The following UBA6 variants were observed in gnomAD, a reference collection of about 807,000 sequenced individuals.
The protein encoded by UBA6 is ubiquitin like modifier activating enzyme 6.
A neutral mutation model predicts 148.3 loss-of-function variants in UBA6; 87 were observed. The observed-to-expected ratio is 0.59, with a 90% CI of 0.49 to 0.70. The LOEUF (loss-of-function observed/expected upper bound fraction) is 0.70. Among genes scored for constraint, UBA6 ranks in the 30% least tolerant of loss-of-function variants. The pLI is 0.00. For missense variants in UBA6, 1,186 were observed against 1,241.2 expected (o/e 0.96, Z 0.67); for synonymous variants, 376 against 401.0 (o/e 0.94, Z 0.75).
chr4:67,625,650 G>A (rs1728850689), intron 28 of UBA6, among the ~76,000 whole-genome samples: 1 of 151,886 alleles, frequency 6.6e-6, no homozygotes, highest in Non-Finnish European at 1.5e-5. Context: ...TGAAATCTTT[G>A]TAGATCAGTG....
intron 13 of UBA6, among the ~76,000 whole-genome samples, chr4:67,652,003 G>GTC (rs148303207): frequency 0.15 from 23,021 of 152,026 alleles, 1,799 homozygotes; most frequent in South Asian, 0.22. Flanking sequence ...GTATGATCAT[G>GTC]TCTTTATCAA....
At chr4:67,679,539 A>G (rs973281247) in intron 4 of UBA6, among the ~76,000 whole-genome samples, 1 of 152,112 alleles carries the variant, frequency 6.6e-6, no homozygotes, top group African/African-American at 2.4e-5. Flanking sequence ...AAATCCAGGT[A>G]GGATCAAAAA....
In UBA6 at chr4:67,623,138, G is replaced by T; in HGVS notation, c.2925C>A (p.Val975=). Reference sequence around the variant, plus strand: ...TAAATGAACAAAAGTATCTCACTTTGACTGCATTTATGAAATCCAAGAGGG... The same window carrying T: ...TAAATGAACAAAAGTATCTCACTTTTACTGCATTTATGAAATCCAAGAGGG... ...DFTLLDFINA[V]KEKYGIEPTM... Residue 975 remains valine (V), a synonymous_variant, in exon 31 of 33, where the codon GTC becomes GTA. Coordinates refer to ENST00000322244, the MANE Select transcript of UBA6 (RefSeq NM_018227.6). 6.2e-7 allele frequency: 1 copy of T among 1,609,100 alleles called. No homozygotes were observed. Among genetic ancestry groups the T allele is most frequent in the South Asian group, 1.1e-5 (1 of 90,484 alleles).
chr4:67,670,267 A>G (rs1730112628), intron 8 of UBA6, among the ~76,000 whole-genome samples: 1 of 152,138 alleles, frequency 6.6e-6, no homozygotes, highest in Non-Finnish European at 1.5e-5. Context: ...TTTGTTAGAG[A>G]AAATCCAGAA....
Position 67,659,364 on chromosome 4 carries a change from G to A in UBA6, c.1104+2825C>T, listed in dbSNP as rs147352530. On this transcript the variant is annotated intron_variant, in intron 13 of 32. Coordinates refer to ENST00000322244, the MANE Select transcript of UBA6 (RefSeq NM_018227.6). The stretch of plus-strand genomic sequence containing the variant: ...CATGTCAAGGTGGGACCAGGTGGAA[G>A]TAACTGGATGGTGGGGGTGGTTCTC... 3.7e-4 allele frequency among the ~76,000 whole-genome samples: 56 copies of A among 152,288 alleles called. No individual in the cohort carries two copies. In the East Asian group the frequency reaches 0.01, roughly 28 times the overall value.
At position 67,645,993 on chromosome 4, in the gene UBA6, C is replaced by T; in HGVS notation, c.1340G>A (p.Arg447Lys). 2 of 1,584,890 alleles carry T rather than the reference C, an allele frequency of 1.3e-6. No individual in the cohort carries two copies. Among genetic ancestry groups the T allele is most frequent in the Non-Finnish European group, 1.7e-6 (2 of 1,163,832 alleles). Residue 447 changes from arginine to lysine, a missense_variant, in exon 16 of 33, where the codon AGA (arginine) becomes AAA (lysine). By Grantham distance (26) the Arg-to-Lys change is conservative. Transcript: ENST00000322244. ...LPRGDRYDAL[R>K]ACIGDTLCQK... ...ACACAAAGTGTCTCCAATGCAAGCT[C>T]TTAAGGCATCATATCTATCTCCTCT...
intron 6 of UBA6, among the ~76,000 whole-genome samples, chr4:67,676,798 G>A (rs1730291376): frequency 6.6e-6 from 1 of 151,636 alleles, no homozygotes; most frequent in African/African-American, 2.4e-5. Context: ...AGTCTGTTTA[G>A]AAATTCTAGG....
At chr4:67,623,690 T>C (rs886989858) in intron 30 of UBA6, among the ~76,000 whole-genome samples, 5 of 152,188 alleles carry the variant, frequency 3.3e-5, no homozygotes, top group African/African-American at 7.2e-5. Context: ...TGTACTCTCA[T>C]TAGTAATGTA....
intron 3 of UBA6, among the ~76,000 whole-genome samples, chr4:67,681,870 G>A (rs1730448142): frequency 6.6e-6 from 1 of 152,094 alleles, no homozygotes; most frequent in Non-Finnish European, 1.5e-5. Context: ...TGCTTATAAT[G>A]AATTAATGGA....
chr4:67,649,955 C>A (rs1390333424), intron 13 of UBA6, among the ~76,000 whole-genome samples: 1 of 152,054 alleles, frequency 6.6e-6, no homozygotes. Context: ...AGTTCTTGTA[C>A]ACAGAGGAGA....
At chr4:67,651,918 T>C (rs1316432752) in intron 13 of UBA6, among the ~76,000 whole-genome samples, 2 of 152,210 alleles carry the variant, frequency 1.3e-5, no homozygotes, top group Non-Finnish European at 2.9e-5. Flanking sequence ...TTGTGCAGTA[T>C]ATAAAGACAA....
intron 8 of UBA6, among the ~76,000 whole-genome samples, chr4:67,670,151 C>T (rs2109939598): frequency 6.6e-6 from 1 of 152,132 alleles, no homozygotes; most frequent in South Asian, 2.1e-4. Flanking sequence ...ACCATGTTGC[C>T]CAGGTTGGTC....
chr4:67,625,736 CA>C (rs1425866369), intron 28 of UBA6, among the ~76,000 whole-genome samples: 1 of 151,842 alleles, frequency 6.6e-6, no homozygotes, highest in Non-Finnish European at 1.5e-5. Flanking sequence ...CTTAAAATCT[CA>C]AAAGTTTGGA....
At chr4:67,653,490 A>T (rs1729607825) in intron 13 of UBA6, among the ~76,000 whole-genome samples, 1 of 152,194 alleles carries the variant, frequency 6.6e-6, no homozygotes, top group East Asian at 1.9e-4. Flanking sequence ...TAGCATCAAC[A>T]TCAACAAAAA....
chr4:67,644,922 C>T (rs1220528411), intron 16 of UBA6, 144 bp from the exon 17 acceptor site: 6 of 511,590 alleles, frequency 1.2e-5, no homozygotes, highest in Non-Finnish European at 1.8e-5. Context: ...CATAATTGTA[C>T]AATTTCTTTA....
chr4:67,665,353 C>T, intron 9 of UBA6, 61 bp from the exon 10 acceptor site: 1 of 1,013,562 alleles, frequency 9.9e-7, no homozygotes, highest in Non-Finnish European at 1.5e-6. Flanking sequence ...AATTTCAACT[C>T]TTATTGTCAT....
At chr4:67,665,398 G>C in intron 9 of UBA6, 106 bp from the exon 10 acceptor site, 1 of 615,912 alleles carries the variant, frequency 1.6e-6, no homozygotes, top group Non-Finnish European at 2.7e-6. Flanking sequence ...CAAAATTAAA[G>C]AATTCCAGCA....
Position 67,624,255 on chromosome 4 carries a change from T to G in UBA6, c.2713-2A>C. The G allele has an allele frequency of 6.3e-7, 1 of 1,594,596 alleles. No homozygotes were observed. The highest frequency in any genetic ancestry group is 8.5e-7 in the Non-Finnish European group (1 of 1,173,728). On this transcript the variant is annotated splice_acceptor_variant, in intron 29 of 32. Transcript: ENST00000322244. LOFTEE classifies it high-confidence loss of function. ...TACTTTGATCATCTCCAAGGCAACC[T>G]AGATAAAAGAAGGTGATCTGATAAT...
At chr4:67,696,528 C>T in intron 2 of UBA6, 117 bp downstream of exon 2, 2 of 703,890 alleles carry the variant, frequency 2.8e-6, no homozygotes, top group Admixed American at 2.8e-5. Flanking sequence ...TACACACACA[C>T]ACACACACAC....
Sources: allele counts gnomAD v4.1 joint callset (sites outside exome capture counted in the v4.1 genomes callset), GRCh38; gene constraint gnomAD v4.1.1; transcripts MANE v1.5; gene names NCBI Gene and HGNC (gene_info 2026-07-23, HGNC 2026-07-21).